PRKG1: variants seen among roughly 807,000 people sequenced by gnomAD.
PRKG1 encodes protein kinase cGMP-dependent 1.
A neutral mutation model predicts 88.1 loss-of-function variants in PRKG1; 35 were observed. The observed-to-expected ratio is 0.40, with a 90% confidence interval of 0.30 to 0.53. The LOEUF (loss-of-function observed/expected upper bound fraction) is 0.53, where lower values mean the gene tolerates loss of function less well. Among genes scored for constraint, PRKG1 ranks in the 20% least tolerant of loss-of-function variants. The pLI is 0.59. For synonymous variants in PRKG1, 303 were observed against 292.5 expected (o/e 1.04, Z -0.37); for missense variants, 540 against 839.8 (o/e 0.64, Z 4.41).
intron 2 of PRKG1, among the ~76,000 whole-genome samples, chr10:51,356,869 T>C (rs1189308): frequency 0.046 from 7,065 of 152,080 alleles, 568 homozygotes; most frequent in African/African-American, 0.16. Flanking sequence ...ACTATTGGTT[T>C]ATAATTGGGA....
intron 3 of PRKG1, among the ~76,000 whole-genome samples, chr10:51,765,815 A>ATTTTTTTTTT (rs398046339): frequency 8.9e-5 from 12 of 134,612 alleles, no homozygotes; most frequent in East Asian, 2.5e-4. Flanking sequence ...GCCTTACATG[A>ATTTTTTTTTT]TTTTTTTTTT....
intron 3 of PRKG1, among the ~76,000 whole-genome samples, chr10:51,571,640 A>G (rs979942259): frequency 1.3e-5 from 2 of 151,846 alleles, no homozygotes; most frequent in Non-Finnish European, 1.5e-5. Flanking sequence ...AAATGAGAGA[A>G]TATCAAAAAG....
chr10:51,201,803 C>A (rs1289575292), intron 2 of PRKG1, among the ~76,000 whole-genome samples: 2 of 152,162 alleles, frequency 1.3e-5, no homozygotes, highest in Non-Finnish European at 2.9e-5. Flanking sequence ...CTTGCTGGCA[C>A]CCTGATATCA....
At chr10:51,024,273 C>G (rs1325545949) in intron 1 of PRKG1, among the ~76,000 whole-genome samples, 1 of 152,008 alleles carries the variant, frequency 6.6e-6, no homozygotes, top group Non-Finnish European at 1.5e-5. Flanking sequence ...GTTTTTTTTA[C>G]TGAGGCCCAA....
intron 4 of PRKG1, among the ~76,000 whole-genome samples, chr10:51,856,271 T>C (rs901347272): frequency 1.3e-5 from 2 of 152,186 alleles, no homozygotes; most frequent in African/African-American, 4.8e-5. Flanking sequence ...TATTTACAGG[T>C]TCCGGGATTA....
intron 2 of PRKG1, among the ~76,000 whole-genome samples, chr10:51,260,475 T>C (rs1044971373): frequency 2.6e-5 from 4 of 152,200 alleles, no homozygotes; most frequent in African/African-American, 9.7e-5. Flanking sequence ...ACCAATGGTC[T>C]CTCTAGGGAA....
At chr10:51,085,241 C>A (rs1328872725) in intron 1 of PRKG1, among the ~76,000 whole-genome samples, 1 of 152,182 alleles carries the variant, frequency 6.6e-6, no homozygotes, top group East Asian at 1.9e-4. Flanking sequence ...TTACCTAATT[C>A]ACTGGTGACT....
intron 4 of PRKG1, among the ~76,000 whole-genome samples, chr10:51,872,708 A>G (rs1841190214): frequency 1.3e-5 from 2 of 152,010 alleles, no homozygotes; most frequent in South Asian, 2.1e-4. Flanking sequence ...TAGCATTTTT[A>G]TTTGTCTCAT....
chr10:51,872,231 T>C (rs1042888891), intron 4 of PRKG1, among the ~76,000 whole-genome samples: 5 of 152,224 alleles, frequency 3.3e-5, no homozygotes, highest in Non-Finnish European at 7.3e-5. Flanking sequence ...TGCAATTTCT[T>C]AGCTGTCGTA....
At chr10:51,783,371 T>C (rs1838645514) in intron 3 of PRKG1, among the ~76,000 whole-genome samples, 1 of 152,028 alleles carries the variant, frequency 6.6e-6, no homozygotes, top group African/African-American at 2.4e-5. Flanking sequence ...TTCCACCTTC[T>C]GGATTTAAGC....
At chr10:51,251,198 T>C (rs1308022855) in intron 2 of PRKG1, among the ~76,000 whole-genome samples, 1 of 151,802 alleles carries the variant, frequency 6.6e-6, no homozygotes, top group Non-Finnish European at 1.5e-5. Context: ...TAGAGTCATG[T>C]CATGTTTTCC....
At chr10:51,547,535 G>C (rs149655852) in intron 3 of PRKG1, among the ~76,000 whole-genome samples, 1 of 151,980 alleles carries the variant, frequency 6.6e-6, no homozygotes, top group Non-Finnish European at 1.5e-5. Flanking sequence ...TGATTTTATA[G>C]GACACTGAAA....
In PRKG1 at chr10:51,935,667, C is replaced by T. The variant is rs950102718; in HGVS notation, c.762+28097C>T. 2.0e-5 allele frequency among the ~76,000 whole-genome samples: 3 copies of T among 152,108 alleles called. No individual in the cohort carries two copies. The East Asian group carries it at 5.8e-4, about 29-fold the overall frequency. ...TTATTCCTTATAATATGTGTCCTCT[C>T]TTGGGAATTTAATATGACTCATAAT... On this transcript the variant is annotated intron_variant, in intron 5 of 17. Coordinates refer to ENST00000373980, the MANE Select transcript of PRKG1 (RefSeq NM_006258.4).
At chr10:52,115,989 T>C (rs1040785211) in intron 7 of PRKG1, among the ~76,000 whole-genome samples, 1 of 152,014 alleles carries the variant, frequency 6.6e-6, no homozygotes, top group Non-Finnish European at 1.5e-5. Context: ...AGAGCTCCAC[T>C]CAGCAATATA....
intron 5 of PRKG1, among the ~76,000 whole-genome samples, chr10:52,003,913 A>G (rs1844662874): frequency 6.6e-6 from 1 of 152,122 alleles, no homozygotes; most frequent in Non-Finnish European, 1.5e-5. Flanking sequence ...TCCTTAATCT[A>G]GTTACTTTGT....
At position 52,251,572 on chromosome 10, in the gene PRKG1, A is replaced by T; in HGVS notation, c.1079A>T (p.Tyr360Phe). The T allele has an allele frequency of 6.2e-7, 1 of 1,613,250 alleles. No homozygotes were observed. The highest frequency in any genetic ancestry group is 8.5e-7 in the Non-Finnish European group (1 of 1,179,334). The change falls in exon 10 of 18, where the codon TAT (tyrosine) becomes TTT (phenylalanine). Residue 360 changes from tyrosine to phenylalanine, a missense_variant and splice_region_variant. By Grantham distance (22) the Tyr-to-Phe change is conservative. This residue lies in a region of PRKG1 where 400 missense variants were observed against 562.7 expected (regional missense o/e 0.71). Coordinates refer to ENST00000373980, the MANE Select transcript of PRKG1 (RefSeq NM_006258.4). ...AYEDAEAKAKYEAEAAFFANL... is the reference protein window; with the variant it reads ...AYEDAEAKAKFEAEAAFFANL... ...TTTTTTCACATCAAAAAATCCAGAT[A>T]TGAAGCTGAAGCGGCTTTCTTCGCC...
At chr10:51,200,105 A>C (rs1461088119) in intron 2 of PRKG1, among the ~76,000 whole-genome samples, 1 of 152,210 alleles carries the variant, frequency 6.6e-6, no homozygotes, top group Non-Finnish European at 1.5e-5. Context: ...CTAACACTTG[A>C]AGGATCAGAA....
intron 3 of PRKG1, among the ~76,000 whole-genome samples, chr10:51,779,153 C>T (rs1012112039): frequency 4.6e-5 from 7 of 152,010 alleles, no homozygotes; most frequent in African/African-American, 1.4e-4. Context: ...TTCTGAATAC[C>T]GTTTTTCATT....
chr10:51,322,385 G>T (rs1026299659), intron 2 of PRKG1, among the ~76,000 whole-genome samples: 1 of 152,078 alleles, frequency 6.6e-6, no homozygotes, highest in Admixed American at 6.5e-5. Context: ...CATGAGACCC[G>T]TCTCTAGATT....
Sources: gnomAD v4.1 joint callset for allele counts (sites outside exome capture counted in the v4.1 genomes callset) on GRCh38, gnomAD v4.1.1 for gene constraint, gnomAD v4.1.1 regional missense constraint, MANE v1.5 for transcripts, NCBI Gene and HGNC (gene_info 2026-07-23, HGNC 2026-07-21) for gene names.